The following KIF6 variants were observed in gnomAD, a reference collection of about 807,000 sequenced individuals.
KIF6 encodes kinesin-like protein KIF6.
KIF6 carries 106 observed loss-of-function variants against 112.7 expected under a neutral mutation model. The ratio of observed to expected loss-of-function variants is 0.94; its 90% CI spans 0.80 to 1.11. The LOEUF is 1.11. Ranked by LOEUF, KIF6 falls within the 50% of genes least tolerant of loss-of-function variation. The pLI is 0.00. For synonymous variants in KIF6, 339 were observed against 339.9 expected, an observed-to-expected ratio of 1.00 and a Z score of 0.03; for missense variants, 929 against 964.0, an observed-to-expected ratio of 0.96 and a Z score of 0.48.
Position 39,385,635 on chromosome 6 carries a change from C to T in KIF6, c.1848G>A (p.Gln616=). The T allele has an allele frequency of 6.2e-7, 1 of 1,613,452 alleles. No homozygotes were observed. Among genetic ancestry groups the T allele is most frequent in the South Asian group, 1.1e-5 (1 of 91,068 alleles). Residue 616 remains glutamine (Q), a synonymous_variant, in exon 16 of 23, where the codon CAG becomes CAA. Coordinates refer to ENST00000287152, the MANE Select transcript of KIF6 (RefSeq NM_145027.6). ...CTTTGTACCTACCTAGGGCTACTTG[C>T]TGTATATGCCGCTGGGTGATTTCTT... ...LKEEITQRHI[Q]QVALGISENM... is the part of the protein sequence containing the mutation.
chr6:39,510,872 CAAAAAAA>C (rs1180631310), intron 13 of KIF6, among the ~76,000 whole-genome samples: 1,016 of 23,884 alleles, frequency 0.043, 10 homozygotes, highest in African/African-American at 0.14. Flanking sequence ...AAATGGGAAG[CAAAAAAA>C]AAAAAAAAAA....
chr6:39,677,052 A>G (rs1787185405), intron 3 of KIF6, among the ~76,000 whole-genome samples: 1 of 152,166 alleles, frequency 6.6e-6, no homozygotes, highest in South Asian at 2.1e-4. Context: ...TAGTGTAAAG[A>G]TTCACACATT....
At chr6:39,595,256 T>C (rs1782190452) in intron 7 of KIF6, among the ~76,000 whole-genome samples, 1 of 152,222 alleles carries the variant, frequency 6.6e-6, no homozygotes, top group Non-Finnish European at 1.5e-5. Flanking sequence ...TTGTAACCTC[T>C]ATTTACACCA....
Position 39,536,773 on chromosome 6 carries a change from T to C in KIF6, c.1645+3230A>G, listed in dbSNP as rs200641708. Among the ~76,000 whole-genome samples, 1,958 of 152,152 alleles carry C rather than the reference T, an allele frequency of 0.013. 226 individuals carry two copies. In the East Asian group the frequency reaches 0.27, roughly 21 times the overall value. ...CAGAGACACAACCAAAAAAGAGAAT[T>C]TTAGACCAATATCCCTGATGAACAT... On this transcript the variant is annotated intron_variant, in intron 13 of 22. Transcript: ENST00000287152.
chr6:39,533,245 T>C (rs946566238), intron 13 of KIF6, among the ~76,000 whole-genome samples: 4 of 152,094 alleles, frequency 2.6e-5, no homozygotes, highest in African/African-American at 9.7e-5. Flanking sequence ...GTCAGGGAGT[T>C]CCCTTTCCGA....
At chr6:39,633,214 G>A (rs542380374) in intron 5 of KIF6, among the ~76,000 whole-genome samples, 1 of 152,238 alleles carries the variant, frequency 6.6e-6, no homozygotes, top group African/African-American at 2.4e-5. Context: ...AAATGAGAGT[G>A]TAGAGGGAGA....
intron 13 of KIF6, among the ~76,000 whole-genome samples, chr6:39,457,577 CAGGAGCTGGTT>C (rs1773211307): frequency 1.3e-5 from 2 of 151,556 alleles, no homozygotes; most frequent in African/African-American, 4.9e-5. Context: ...TCAATGAATC[CAGGAGCTGGTT>C]TTTTGAAAGG....
chr6:39,364,435 A>G (rs1276282523), intron 16 of KIF6, among the ~76,000 whole-genome samples: 1 of 151,868 alleles, frequency 6.6e-6, no homozygotes, highest in Non-Finnish European at 1.5e-5. Flanking sequence ...TTTTTCTTAG[A>G]CTGACTCCTG....
At chr6:39,398,949 T>C (rs1198407827) in intron 15 of KIF6, among the ~76,000 whole-genome samples, 1 of 152,206 alleles carries the variant, frequency 6.6e-6, no homozygotes, top group East Asian at 1.9e-4. Context: ...TTACCATCCA[T>C]AATGGGAGTG....
At chr6:39,627,061 A>AAAATCT (rs1784130173) in intron 5 of KIF6, among the ~76,000 whole-genome samples, 1 of 152,120 alleles carries the variant, frequency 6.6e-6, no homozygotes, top group African/African-American at 2.4e-5. Context: ...CAAGGGCTAC[A>AAAATCT]CCTTGCCTGC....
chr6:39,704,533 G>T (rs1286625261), intron 3 of KIF6, among the ~76,000 whole-genome samples: 1 of 152,114 alleles, frequency 6.6e-6, no homozygotes, highest in Non-Finnish European at 1.5e-5. Flanking sequence ...CAGGAGAACT[G>T]CTTGAAGCTG....
At chr6:39,587,886 A>G (rs1781721227) in intron 7 of KIF6, among the ~76,000 whole-genome samples, 1 of 152,220 alleles carries the variant, frequency 6.6e-6, no homozygotes, top group Non-Finnish European at 1.5e-5. Context: ...GTCCTAAACT[A>G]AGATGGCTCT....
intron 13 of KIF6, among the ~76,000 whole-genome samples, chr6:39,470,544 G>A (rs1311039261): frequency 6.6e-6 from 1 of 152,182 alleles, no homozygotes; most frequent in Non-Finnish European, 1.5e-5. Flanking sequence ...AAACCCAGGA[G>A]GATGATTGCG....
intron 7 of KIF6, among the ~76,000 whole-genome samples, chr6:39,587,448 C>T (rs1352213549): frequency 6.6e-6 from 1 of 152,162 alleles, no homozygotes; most frequent in African/African-American, 2.4e-5. Flanking sequence ...ACATATGTAA[C>T]TATACCACTA....
Position 39,625,270 on chromosome 6 carries a change from A to T in KIF6, c.509+9579T>A, listed in dbSNP as rs539067227. Among the ~76,000 whole-genome samples the T allele has an allele frequency of 3.3e-5, 5 of 152,264 alleles. No homozygotes were observed. In the South Asian group the frequency reaches 6.2e-4, roughly 19 times the overall value. On this transcript the variant is annotated intron_variant, in intron 5 of 22. Coordinates refer to ENST00000287152, the MANE Select transcript of KIF6 (RefSeq NM_145027.6). ...GTCTAAGACATTTCTGATACTGAGA[A>T]CAATCTCCTTCAATTGGCTACTGAG...
chr6:39,655,347 T>C (rs1439042586), intron 3 of KIF6, among the ~76,000 whole-genome samples: 1 of 152,128 alleles, frequency 6.6e-6, no homozygotes, highest in Non-Finnish European at 1.5e-5. Flanking sequence ...GGAGGAGTTA[T>C]TTCCATTTAA....
chr6:39,429,741 T>C (rs1236477645), intron 14 of KIF6, among the ~76,000 whole-genome samples: 2 of 152,118 alleles, frequency 1.3e-5, no homozygotes, highest in East Asian at 1.9e-4. Flanking sequence ...ACCCCGTCTC[T>C]ACTAAAAATA....
intron 13 of KIF6, among the ~76,000 whole-genome samples, chr6:39,457,641 AAAAG>A (rs999334416): frequency 1.1e-3 from 163 of 152,264 alleles, no homozygotes; most frequent in Non-Finnish European, 2.0e-3. Context: ...AATAAAGAAA[AAAAG>A]AGAGAAGAAT....
At chr6:39,647,366 T>C (rs1785221193) in intron 3 of KIF6, among the ~76,000 whole-genome samples, 2 of 152,118 alleles carry the variant, frequency 1.3e-5, no homozygotes, top group South Asian at 2.1e-4. Context: ...AGTCTCCTTC[T>C]ACAAGCTCAA....
Sources: allele counts gnomAD v4.1 joint callset (sites outside exome capture counted in the v4.1 genomes callset), GRCh38; gene constraint gnomAD v4.1.1; transcripts MANE v1.5; gene names NCBI Gene and HGNC (gene_info 2026-07-23, HGNC 2026-07-21).